The following PLOD2 variants were observed in gnomAD, a reference collection of about 807,000 sequenced individuals.
PLOD2 encodes lysine hydroxylase 2.
A neutral mutation model predicts 101.0 loss-of-function variants in PLOD2; 65 were observed. The ratio of observed to expected loss-of-function variants is 0.64; its 90% CI spans 0.53 to 0.79. PLOD2 has a LOEUF of 0.79. Among genes scored for constraint, PLOD2 ranks in the 30% least tolerant of loss-of-function variants. The pLI, the probability that PLOD2 is intolerant of heterozygous loss-of-function variation, is 0.00. For missense variants in PLOD2, 909 were observed against 914.6 expected (o/e 0.99, Z 0.08); for synonymous variants, 314 against 302.9 (o/e 1.04, Z -0.38).
chr3:146,120,779 G>A (rs1411794900), intron 3 of PLOD2, among the ~76,000 whole-genome samples: 1 of 152,150 alleles, frequency 6.6e-6, no homozygotes, highest in African/African-American at 2.4e-5. Context: ...GGATGGAGTA[G>A]AGTGGCGCAA....
In PLOD2 at chr3:146,134,670, T is replaced by C. The variant is rs145250770; in HGVS notation, c.110-10441A>G. Among the ~76,000 whole-genome samples the C allele has an allele frequency of 4.3e-3, 657 of 152,318 alleles. 8 individuals carry two copies. The highest frequency in any genetic ancestry group is 0.015 in the African/African-American group (633 of 41,572). On this transcript the variant is annotated intron_variant, in intron 1 of 19. Transcript: ENST00000282903. ...CAGACACTAAAAATATTTTCAATGC[T>C]TATATGAAAAGGGGATCAATAGTAA...
chr3:146,088,337 A>AT lies in PLOD2; in HGVS notation c.1005+248dup, dbSNP rs1936856158. The stretch of plus-strand genomic sequence containing the variant: ...TTGATTATATATTAATTTAAGCTAT[A>AT]TGATGATGGCTAATATTCAGCCATT... On this transcript the variant is annotated intron_variant, in intron 9 of 19. Coordinates refer to ENST00000282903, the MANE Select transcript of PLOD2 (RefSeq NM_182943.3). Among the ~76,000 whole-genome samples the AT allele has an allele frequency of 4.0e-5, 6 of 151,742 alleles. No individual in the cohort carries two copies. In the South Asian group the frequency reaches 1.2e-3, roughly 31 times the overall value.
chr3:146,145,124 C>T (rs952068442), intron 1 of PLOD2, among the ~76,000 whole-genome samples: 6 of 152,186 alleles, frequency 3.9e-5, no homozygotes, highest in East Asian at 3.9e-4. Flanking sequence ...AGATGACAAA[C>T]GTCATTTGAA....
At chr3:146,127,699 C>T (rs550271921) in intron 1 of PLOD2, among the ~76,000 whole-genome samples, 11 of 151,964 alleles carry the variant, frequency 7.2e-5, no homozygotes, top group Admixed American at 3.9e-4. Context: ...CCCAGTACTG[C>T]GATGGCTGAA....
intron 14 of PLOD2, chr3:146,077,519 C>G (rs1053557322): frequency 2.9e-5 from 6 of 203,522 alleles, no homozygotes; most frequent in African/African-American, 1.4e-4. Flanking sequence ...ATAAGGTGCA[C>G]CTAAACCTTA....
At chr3:146,140,179 T>G (rs1262910623) in intron 1 of PLOD2, among the ~76,000 whole-genome samples, 1 of 143,744 alleles carries the variant, frequency 7.0e-6, no homozygotes, top group Non-Finnish European at 1.5e-5. Context: ...CAATGTTTCA[T>G]TTGGGGAATT....
intron 12 of PLOD2, among the ~76,000 whole-genome samples, chr3:146,080,531 C>T (rs567818419): frequency 5.9e-5 from 9 of 152,192 alleles, no homozygotes; most frequent in African/African-American, 1.9e-4. Context: ...CATACACACA[C>T]ACACACAGTT....
chr3:146,106,972 A>C lies in PLOD2; in HGVS notation c.503-328T>G, dbSNP rs138589020. 1.0e-3 allele frequency among the ~76,000 whole-genome samples: 158 copies of C among 152,316 alleles called. 1 individual carries two copies. The highest frequency in any genetic ancestry group is 3.6e-3 in the African/African-American group (150 of 41,570). ...AGGGAAACAGATTTACTAGGAAAAG[A>C]ATAGACTGAGACAAGAATTTTTTCT... On this transcript the variant is annotated intron_variant, in intron 4 of 19. Transcript: ENST00000282903.
rs374604869 is a variant in PLOD2, at chr3:146,091,812, C to T, written c.867G>A (p.Leu289=). 1.9e-6 allele frequency: 3 copies of T among 1,577,422 alleles called. No homozygotes were observed. Among genetic ancestry groups the T allele is most frequent in the Non-Finnish European group, 2.6e-6 (3 of 1,146,876 alleles). The change falls in exon 8 of 20, where the codon TTG becomes TTA. Residue 289 remains leucine (L), a synonymous_variant. Transcript: ENST00000282903. ...CTLCEFDTVD[L]SAVDVHPNVS... is the part of the protein sequence containing the mutation. ...CAATTCCACTTACATCTACTGCAGA[C>T]AAGTCGACTGTATCGAATTCACAAA...
chr3:146,072,622 G>A lies in PLOD2; in HGVS notation c.1787C>T (p.Ala596Val). 1.2e-6 allele frequency: 2 copies of A among 1,610,372 alleles called. No individual in the cohort carries two copies. The highest frequency in any genetic ancestry group is 1.7e-6 in the Non-Finnish European group (2 of 1,177,412). Residue 596 changes from alanine to valine, a missense_variant, in exon 17 of 20, where the codon GCC (alanine) becomes GTC (valine). Coordinates refer to ENST00000282903, the MANE Select transcript of PLOD2 (RefSeq NM_182943.3). The stretch of plus-strand genomic sequence containing the variant: ...CATTTCTTCTACCAATTCATCACAG[G>A]CTTTTTCAGAAAATATGGGGAACCA... ...VFWFPIFSEKACDELVEEMEH... is the reference protein window; with the variant it reads ...VFWFPIFSEKVCDELVEEMEH...
At chr3:146,127,156 T>C (rs147033279) in intron 1 of PLOD2, among the ~76,000 whole-genome samples, 12 of 152,284 alleles carry the variant, frequency 7.9e-5, no homozygotes, top group East Asian at 7.7e-4. Flanking sequence ...CTCAGCTGAA[T>C]AGTTCTTTTT....
chr3:146,138,909 A>C (rs1019175460), intron 1 of PLOD2, among the ~76,000 whole-genome samples: 1 of 152,156 alleles, frequency 6.6e-6, no homozygotes, highest in African/African-American at 2.4e-5. Flanking sequence ...CTTTAAATAT[A>C]TGGTAAGTGG....
chr3:146,149,532 C>T (rs774025334), intron 1 of PLOD2, among the ~76,000 whole-genome samples: 9 of 151,930 alleles, frequency 5.9e-5, no homozygotes, highest in Non-Finnish European at 7.4e-5. Context: ...AGAAGGAGCC[C>T]GGTTTTTTAG....
At chr3:146,077,078 T>A (rs1050050268) in intron 14 of PLOD2, 183 bp from the exon 15 acceptor site, 1 of 1,278,320 alleles carries the variant, frequency 7.8e-7, no homozygotes, top group Non-Finnish European at 9.9e-7. Flanking sequence ...GATTATGAAT[T>A]CAGACACCAC....
At chr3:146,108,551 T>C (rs774345028) in intron 4 of PLOD2, among the ~76,000 whole-genome samples, 1 of 152,208 alleles carries the variant, frequency 6.6e-6, no homozygotes, top group Non-Finnish European at 1.5e-5. Context: ...ACTGTAAATA[T>C]GTGATCTATG....
intron 1 of PLOD2, among the ~76,000 whole-genome samples, chr3:146,150,217 C>T (rs757295945): frequency 3.9e-5 from 6 of 152,174 alleles, no homozygotes; most frequent in Middle Eastern, 3.4e-3. Context: ...AAACTGATTT[C>T]GTTTTTATTT....
At chr3:146,086,522 TA>T (rs534277387) in intron 10 of PLOD2, 39 of 212,484 alleles carry the variant, frequency 1.8e-4, no homozygotes, top group East Asian at 3.3e-4. Context: ...TATCTGCATT[TA>T]AAAAAAATTG....
At chr3:146,123,241 G>T in intron 2 of PLOD2, 2 of 1,000,426 alleles carry the variant, frequency 2.0e-6, no homozygotes, top group East Asian at 8.2e-5. Context: ...TAAAAAAAAA[G>T]TTTTTTGCTT....
chr3:146,102,459 A>G (rs1308465498), intron 7 of PLOD2, among the ~76,000 whole-genome samples: 1 of 152,214 alleles, frequency 6.6e-6, no homozygotes, highest in East Asian at 1.9e-4. Flanking sequence ...CTAATGAGAA[A>G]GGATACCCAG....
Sources: gnomAD v4.1 joint callset for allele counts (sites outside exome capture counted in the v4.1 genomes callset) on GRCh38, gnomAD v4.1.1 for gene constraint, MANE v1.5 for transcripts, NCBI Gene and HGNC (gene_info 2026-07-23, HGNC 2026-07-21) for gene names.